PCDHGA8: variants seen among roughly 807,000 people sequenced by gnomAD.
PCDHGA8 encodes protocadherin gamma-A8.
A neutral mutation model predicts 59.2 loss-of-function variants in PCDHGA8; 45 were observed. The ratio of observed to expected loss-of-function variants is 0.76; its 90% confidence interval spans 0.60 to 0.98. The LOEUF is 0.98. Among genes scored for constraint, PCDHGA8 ranks in the 50% least tolerant of loss-of-function variants. The pLI, the probability that PCDHGA8 is intolerant of heterozygous loss-of-function variation, is 0.00. For synonymous variants in PCDHGA8, 531 were observed against 519.0 expected (o/e 1.02, Z -0.32); for missense variants, 1,257 against 1,196.2 (o/e 1.05, Z -0.75).
chr5:141,421,388 G>A (rs369403750), intron 1 of PCDHGA8: 1 of 1,613,934 alleles, frequency 6.2e-7, no homozygotes, highest in Non-Finnish European at 8.5e-7. Context: ...AAGGACCTGG[G>A]GCTGGAGCCC....
chr5:141,484,530 A>G (rs1406516272), intron 1 of PCDHGA8, among the ~76,000 whole-genome samples: 1 of 152,200 alleles, frequency 6.6e-6, no homozygotes, highest in East Asian at 1.9e-4. Context: ...TTTTGAGTAT[A>G]TGGCAGTGGT....
intron 1 of PCDHGA8, among the ~76,000 whole-genome samples, chr5:141,437,052 T>A (rs986734485): frequency 6.6e-5 from 10 of 152,258 alleles, no homozygotes; most frequent in Non-Finnish European, 1.3e-4. Flanking sequence ...AGAAGGCTGG[T>A]GATCATTATT....
At chr5:141,407,956 A>G (rs2095008608) in intron 1 of PCDHGA8, 1 of 645,868 alleles carries the variant, frequency 1.5e-6, no homozygotes, top group African/African-American at 1.8e-5. Flanking sequence ...CGGCCAGTGC[A>G]GAGCAAGCGC....
chr5:141,393,417 A>C lies in PCDHGA8; in HGVS notation c.604A>C (p.Arg202=). 1 of 1,614,032 alleles carries C rather than the reference A, an allele frequency of 6.2e-7. No individual in the cohort carries two copies. The highest frequency in any genetic ancestry group is 8.5e-7 in the Non-Finnish European group (1 of 1,179,888). ...GCTGGTGCTGGAGCGCGCCCTGGAC[A>C]GGGAGGAAGAGGCTGCTCACCACCT... ...PELVLERALD[R]EEEAAHHLVL... is the part of the protein sequence containing the mutation. Residue 202 remains arginine, a synonymous_variant, in exon 1 of 4, where the codon AGG becomes CGG. Transcript: ENST00000398604.
intron 1 of PCDHGA8, chr5:141,418,928 A>C: frequency 1.2e-6 from 2 of 1,613,978 alleles, no homozygotes; most frequent in Non-Finnish European, 1.7e-6. Flanking sequence ...TGATCAGATT[A>C]TGGAGGATTC....
At position 141,432,900 on chromosome 5, in the gene PCDHGA8, T is replaced by A. The variant is rs139221180; in HGVS notation, c.2424+37663T>A. ...GCCTTCGTCATCTTGCTGCTGGCGCTCAGGCTGCGGCGCTGGCACAAGTCA... is the reference window on the plus strand; with the variant it reads ...GCCTTCGTCATCTTGCTGCTGGCGCACAGGCTGCGGCGCTGGCACAAGTCA... On this transcript the variant is annotated intron_variant, in intron 1 of 3. Transcript: ENST00000398604. The surrounding 1 kb of genome is among the most constrained non-coding windows in gnomAD (Gnocchi z 6.0). The A allele has an allele frequency of 7.9e-5, 128 of 1,614,174 alleles. No homozygotes were observed. The highest frequency in any genetic ancestry group is 7.4e-4 in the East Asian group (33 of 44,868).
chr5:141,421,524 G>A (rs375937711), intron 1 of PCDHGA8: 25 of 1,613,940 alleles, frequency 1.5e-5, no homozygotes, highest in Admixed American at 5.0e-5. Context: ...TCTGTGAGAC[G>A]GTGTCCTCCT....
intron 1 of PCDHGA8, among the ~76,000 whole-genome samples, chr5:141,396,908 C>G (rs987572785): frequency 1.3e-5 from 2 of 152,146 alleles, no homozygotes; most frequent in Admixed American, 6.5e-5. Context: ...TGGCACTTTG[C>G]AATTTTAAAA....
At chr5:141,428,455 T>C (rs898393760) in intron 1 of PCDHGA8, 61 of 361,572 alleles carry the variant, frequency 1.7e-4, no homozygotes, top group African/African-American at 1.2e-3. Context: ...TTTTCCCAAC[T>C]ACAATGAGGG....
At position 141,489,099 on chromosome 5, in the gene PCDHGA8, G is replaced by C; in HGVS notation, c.2425-5708G>C. 5.5e-6 allele frequency: 2 copies of C among 361,982 alleles called. No homozygotes were observed. The highest frequency in any genetic ancestry group is 5.0e-5 in the South Asian group (1 of 19,862). 22.4% of individuals were successfully genotyped at this position (361,982 alleles called of 1,614,324 possible). On this transcript the variant is annotated intron_variant, in intron 1 of 3. Coordinates refer to ENST00000398604, the MANE Select transcript of PCDHGA8 (RefSeq NM_032088.2). The surrounding 1 kb of genome is among the most constrained non-coding windows in gnomAD (Gnocchi z 4.5). Reference sequence around the variant, plus strand: ...CCCCGCCACTCGGTGACTAAGAACTGCTGCAAGCAGGCAAACCTCCGAGCA... The same window carrying C: ...CCCCGCCACTCGGTGACTAAGAACTCCTGCAAGCAGGCAAACCTCCGAGCA...
chr5:141,421,838 A>G (rs2096604619), intron 1 of PCDHGA8: 1 of 1,613,764 alleles, frequency 6.2e-7, no homozygotes, highest in East Asian at 2.2e-5. Flanking sequence ...CTGGACCGAG[A>G]GAAAGAGGCT....
rs1266310917 is a variant in PCDHGA8 at position 141,486,868 on chromosome 5, G to A, written c.2425-7939G>A. 2 of 1,614,104 alleles carry A rather than the reference G, an allele frequency of 1.2e-6. No homozygotes were observed. Among genetic ancestry groups the A allele is most frequent in the Non-Finnish European group, 1.7e-6 (2 of 1,180,056 alleles). ...ACCTCAATGACAATGCTCCAGCTGT[G>A]CTCCGTCCTCGGGCCCGGCCTGGTT... On this transcript the variant is annotated intron_variant, in intron 1 of 3. Transcript: ENST00000398604. The surrounding 1 kb of genome is among the most constrained non-coding windows in gnomAD (Gnocchi z 5.0).
intron 3 of PCDHGA8, among the ~76,000 whole-genome samples, chr5:141,508,848 TC>T (rs1390332366): frequency 6.6e-5 from 10 of 151,752 alleles, no homozygotes. Context: ...CCCCTTCCAT[TC>T]CCAGGCTGGG....
chr5:141,423,985 C>T (rs1334591897), intron 1 of PCDHGA8: 2 of 1,100,512 alleles, frequency 1.8e-6, no homozygotes, highest in Non-Finnish European at 2.2e-6. Flanking sequence ...ATGAGGCTCT[C>T]AATTTATTAT....
chr5:141,469,573 CTAAA>C (rs1209972534), intron 1 of PCDHGA8, among the ~76,000 whole-genome samples: 2 of 151,554 alleles, frequency 1.3e-5, no homozygotes, highest in Non-Finnish European at 2.9e-5. Flanking sequence ...GACTCTGTCT[CTAAA>C]TAAATAAATA....
chr5:141,498,930 C>T (rs2099786911), intron 2 of PCDHGA8, among the ~76,000 whole-genome samples: 1 of 121,364 alleles, frequency 8.2e-6, no homozygotes, highest in Non-Finnish European at 1.6e-5. Flanking sequence ...GAGACTCCAT[C>T]AGGAAAGAAA....
chr5:141,409,997 G>T, intron 1 of PCDHGA8: 3 of 1,613,224 alleles, frequency 1.9e-6, no homozygotes, highest in Non-Finnish European at 2.5e-6. Flanking sequence ...CGCCGACTCG[G>T]GACACAACGC....
chr5:141,414,635 A>G (rs753834653), intron 1 of PCDHGA8: 72 of 1,613,866 alleles, frequency 4.5e-5, no homozygotes, highest in Admixed American at 2.0e-4. Flanking sequence ...GACAGCAAAG[A>G]GAATGCCCAG....
Position 141,476,745 on chromosome 5 carries a change from T to C in PCDHGA8, c.2425-18062T>C, listed in dbSNP as rs1372622323. 6.2e-7 allele frequency: 1 copy of C among 1,613,958 alleles called. No individual in the cohort carries two copies. On this transcript the variant is annotated intron_variant, in intron 1 of 3. Coordinates refer to ENST00000398604, the MANE Select transcript of PCDHGA8 (RefSeq NM_032088.2). This position sits in a 1 kb window ranked among gnomAD's most constrained non-coding sequence, Gnocchi z 7.6. The stretch of plus-strand genomic sequence containing the variant: ...CTGGACCGAGAACGGGAGCCTAGTC[T>C]CCAGTTAGTGCTGACGGCGTTGGAC...
Sources: allele counts gnomAD v4.1 joint callset (sites outside exome capture counted in the v4.1 genomes callset), GRCh38; gene constraint gnomAD v4.1.1; non-coding constraint Gnocchi (gnomAD v3.1); transcripts MANE v1.5; gene names NCBI Gene and HGNC (gene_info 2026-07-23, HGNC 2026-07-21).